GCFC2: variants seen among roughly 807,000 people sequenced by gnomAD.
GCFC2 encodes the protein intron Large complex component GCFC2.
Under a neutral mutation model 99.4 loss-of-function variants are expected in GCFC2, and 102 were observed. That is an observed-to-expected ratio of 1.03 (90% CI 0.87 to 1.21). The LOEUF (loss-of-function observed/expected upper bound fraction) is 1.21. Among genes scored for constraint, GCFC2 ranks in the 50% most tolerant of loss-of-function variants. The pLI, the probability that GCFC2 is intolerant of heterozygous loss-of-function variation, is 0.00. For missense variants in GCFC2, 973 were observed against 920.9 expected (o/e 1.06, Z -0.73); for synonymous variants, 338 against 316.8 (o/e 1.07, Z -0.71).
At chr2:75,672,519 TC>T (rs1679153600) in intron 13 of GCFC2, among the ~76,000 whole-genome samples, 1 of 151,986 alleles carries the variant, frequency 6.6e-6, no homozygotes, top group African/African-American at 2.4e-5. Flanking sequence ...GAGGTTCCTT[TC>T]TTCCCCCTCC....
chr2:75,693,988 A>C (rs996089038), intron 6 of GCFC2, among the ~76,000 whole-genome samples: 1 of 152,122 alleles, frequency 6.6e-6, no homozygotes, highest in Non-Finnish European at 1.5e-5. Context: ...TTCATTTTCA[A>C]GGAATTTTCC....
At chr2:75,688,055 A>G (rs543153293) in intron 10 of GCFC2, 78 bp from the exon 11 acceptor site, 2 of 861,298 alleles carry the variant, frequency 2.3e-6, no homozygotes, top group East Asian at 5.4e-5. Context: ...ATTTTTTTCA[A>G]TAATCACCAG....
chr2:75,701,665 A>G (rs1680597272), intron 3 of GCFC2: 1 of 180,874 alleles, frequency 5.5e-6, no homozygotes, highest in Admixed American at 6.2e-5. Flanking sequence ...CTGAGAATCC[A>G]AACACTTAAA....
At chr2:75,696,573 T>G (rs567980315) in intron 4 of GCFC2, among the ~76,000 whole-genome samples, 1 of 152,336 alleles carries the variant, frequency 6.6e-6, no homozygotes, top group African/African-American at 2.4e-5. Context: ...TTGGTTATGG[T>G]CTAATGTACT....
intron 7 of GCFC2, among the ~76,000 whole-genome samples, chr2:75,691,522 T>C (rs17011662): frequency 0.057 from 8,689 of 152,024 alleles, 464 homozygotes; most frequent in East Asian, 0.15. Flanking sequence ...TATCTCCTGA[T>C]AGCACCTTAA....
At chr2:75,699,957 G>T (rs986201068) in intron 4 of GCFC2, among the ~76,000 whole-genome samples, 1 of 150,524 alleles carries the variant, frequency 6.6e-6, no homozygotes, top group Non-Finnish European at 1.5e-5. Context: ...CTGAAGCGCA[G>T]TGGCGTGATC....
chr2:75,666,114 TA>T, intron 15 of GCFC2, 61 bp from the exon 16 acceptor site: 1 of 1,341,696 alleles, frequency 7.5e-7, no homozygotes, highest in Non-Finnish European at 1.0e-6. Context: ...CTTGCTAATA[TA>T]ATCTCATAGT....
At chr2:75,692,788 T>C (rs1006212616) in intron 6 of GCFC2, among the ~76,000 whole-genome samples, 1 of 151,732 alleles carries the variant, frequency 6.6e-6, no homozygotes, top group Non-Finnish European at 1.5e-5. Flanking sequence ...GTGTGGAAAG[T>C]AGGTGGGGGC....
At chr2:75,676,196 G>T (rs1357291427) in intron 12 of GCFC2, among the ~76,000 whole-genome samples, 1 of 152,184 alleles carries the variant, frequency 6.6e-6, no homozygotes, top group African/African-American at 2.4e-5. Context: ...AAATCTATCT[G>T]AACTCCCAAG....
upstream of GCFC2, chr2:75,711,065 T>C: frequency 1.5e-6 from 2 of 1,308,724 alleles, no homozygotes; most frequent in South Asian, 2.3e-5. Flanking sequence ...GGGCCTGAGT[T>C]TGCAAAGCAT....
At chr2:75,667,730 C>A (rs193163483) in intron 15 of GCFC2, among the ~76,000 whole-genome samples, 2 of 152,118 alleles carry the variant, frequency 1.3e-5, no homozygotes, top group Non-Finnish European at 2.9e-5. Flanking sequence ...CACTAAAAGT[C>A]GATTTTCTTG....
chr2:75,707,985 C>T (rs1680948832), intron 1 of GCFC2, among the ~76,000 whole-genome samples: 1 of 152,118 alleles, frequency 6.6e-6, no homozygotes, highest in South Asian at 2.1e-4. Context: ...GTGACAAAAT[C>T]AAAGTATTCA....
chr2:75,680,552 GTC>G (rs1345085979), intron 11 of GCFC2, among the ~76,000 whole-genome samples: 2 of 152,134 alleles, frequency 1.3e-5, no homozygotes, highest in Non-Finnish European at 1.5e-5. Flanking sequence ...TTGTCACTGA[GTC>G]TCTGCCTGCA....
intron 12 of GCFC2, among the ~76,000 whole-genome samples, chr2:75,677,119 T>A (rs1346745774): frequency 2.0e-5 from 3 of 152,248 alleles, no homozygotes; most frequent in Non-Finnish European, 4.4e-5. Context: ...ATGTTAAGTA[T>A]CATTTGTATT....
intron 11 of GCFC2, among the ~76,000 whole-genome samples, chr2:75,686,026 T>A (rs1016093222): frequency 3.3e-5 from 5 of 152,206 alleles, no homozygotes; most frequent in Admixed American, 3.3e-4. Flanking sequence ...CTTTGAAATA[T>A]ATGTAGAATT....
rs1168633159 is a variant in GCFC2 at position 75,710,595 on chromosome 2, G to C, written c.261C>G (p.Gly87=). 3.3e-6 allele frequency: 5 copies of C among 1,513,628 alleles called. No individual in the cohort carries two copies. The highest frequency in any genetic ancestry group is 2.0e-5 in the Admixed American group (1 of 49,380). 93.8% of individuals were successfully genotyped at this position (1,513,628 alleles called of 1,614,324 possible). ...ATKAAPRADE[G]SESRTLDVST... ...TCCCCGCGTCTCCCTGGACACCTGA[G>C]CCTTCGTCCGCGCGGGGAGCCGCTT... Residue 87 remains glycine (G), a synonymous_variant, in exon 1 of 17, where the codon GGC becomes GGG. Transcript: ENST00000321027.
intron 15 of GCFC2, among the ~76,000 whole-genome samples, chr2:75,669,575 TGA>T (rs1558730237): frequency 6.6e-6 from 1 of 152,184 alleles, no homozygotes; most frequent in Non-Finnish European, 1.5e-5. Context: ...TGGTGTATAG[TGA>T]GAGGTGAGGA....
chr2:75,678,704 T>C (rs1347845438), intron 12 of GCFC2, among the ~76,000 whole-genome samples: 1 of 152,232 alleles, frequency 6.6e-6, no homozygotes, highest in Non-Finnish European at 1.5e-5. Flanking sequence ...ATAGTAGCAC[T>C]GTGACAACTA....
intron 4 of GCFC2, among the ~76,000 whole-genome samples, chr2:75,700,459 G>A (rs139751591): frequency 3.7e-4 from 57 of 152,024 alleles, no homozygotes; most frequent in African/African-American, 1.3e-3. Flanking sequence ...AAATCATTAA[G>A]GTGTAGTCGA....
Sources: allele counts gnomAD v4.1 joint callset (sites outside exome capture counted in the v4.1 genomes callset), GRCh38; gene constraint gnomAD v4.1.1; transcripts MANE v1.5; gene names NCBI Gene and HGNC (gene_info 2026-07-23, HGNC 2026-07-21).